The following LRRC4C variants were observed in gnomAD, a reference collection of about 807,000 sequenced individuals.
The protein encoded by LRRC4C is leucine rich repeat containing 4C, also known as leucine-rich repeat-containing protein 4C.
A neutral mutation model predicts 33.6 loss-of-function variants in LRRC4C; 5 were observed. The observed-to-expected ratio is 0.15, with a 90% CI of 0.08 to 0.31. The LOEUF is 0.31. Ranked by LOEUF, LRRC4C falls within the 10% of genes least tolerant of loss-of-function variation. The probability of loss-of-function intolerance (pLI) is 1.00; values close to 1 mark genes in which losing one functional copy is unlikely to be tolerated. For synonymous variants in LRRC4C, 329 were observed against 302.0 expected, an observed-to-expected ratio of 1.09 and a Z score of -0.93; for missense variants, 560 against 796.7, an observed-to-expected ratio of 0.70 and a Z score of 3.58.
At chr11:40,822,682 G>T (rs1360029040) in intron 2 of LRRC4C, among the ~76,000 whole-genome samples, 2 of 151,426 alleles carry the variant, frequency 1.3e-5, no homozygotes, top group Non-Finnish European at 3.0e-5. Flanking sequence ...TAATTTAATA[G>T]AATCCCATTT....
intron 3 of LRRC4C, among the ~76,000 whole-genome samples, chr11:40,396,211 A>G (rs943027413): frequency 6.6e-6 from 1 of 152,118 alleles, no homozygotes; most frequent in Non-Finnish European, 1.5e-5. Flanking sequence ...ATCTTACAGC[A>G]TAAGAATTGT....
rs533180594 is a variant in LRRC4C at position 40,588,222 on chromosome 11, G to A, written c.-270+59920C>T. On this transcript the variant is annotated intron_variant, in intron 3 of 6. Coordinates refer to ENST00000528697, the MANE Select transcript of LRRC4C (RefSeq NM_001258419.2). ...AGTCTTGGGAGAGTGTATGTGTCCA[G>A]GAATTTATCCATTTCTTCTAGATTT... Among the ~76,000 whole-genome samples the A allele has an allele frequency of 4.5e-3, 675 of 150,892 alleles. 21 individuals are homozygous for A. Among genetic ancestry groups the A allele is most frequent in the Admixed American group, 0.032 (483 of 15,180 alleles).
chr11:40,724,119 A>G (rs1947168177), intron 2 of LRRC4C, among the ~76,000 whole-genome samples: 1 of 152,172 alleles, frequency 6.6e-6, no homozygotes, highest in Non-Finnish European at 1.5e-5. Flanking sequence ...AAAACAAGTA[A>G]TTCTAGACCT....
At chr11:40,286,162 C>T (rs1052152963) in intron 4 of LRRC4C, among the ~76,000 whole-genome samples, 1 of 151,848 alleles carries the variant, frequency 6.6e-6, no homozygotes, top group African/African-American at 2.4e-5. Flanking sequence ...ATCATTTTTC[C>T]TGTAAAGATG....
chr11:41,384,092 T>C (rs1169799056), intron 1 of LRRC4C, among the ~76,000 whole-genome samples: 2 of 151,938 alleles, frequency 1.3e-5, no homozygotes, highest in Admixed American at 6.6e-5. Context: ...AAAGTTTATT[T>C]TAAAATGTAA....
intron 4 of LRRC4C, among the ~76,000 whole-genome samples, chr11:40,307,477 A>C (rs1945096956): frequency 6.6e-6 from 1 of 152,124 alleles, no homozygotes; most frequent in South Asian, 2.1e-4. Context: ...ATCCTCTAAA[A>C]TTCTTTTTCC....
chr11:41,077,165 T>A (rs1939215140), intron 1 of LRRC4C, among the ~76,000 whole-genome samples: 1 of 152,186 alleles, frequency 6.6e-6, no homozygotes. Context: ...CCTGTGGCTT[T>A]CTTGGTTGCA....
intron 1 of LRRC4C, among the ~76,000 whole-genome samples, chr11:41,283,239 A>C (rs896832820): frequency 2.0e-5 from 3 of 152,342 alleles, no homozygotes; most frequent in African/African-American, 7.2e-5. Context: ...GTCTGGAAAT[A>C]TCCGCTTAGA....
chr11:40,899,831 C>T lies in LRRC4C; in HGVS notation c.-407+33804G>A, dbSNP rs190871371. On this transcript the variant is annotated intron_variant, in intron 2 of 6. Coordinates refer to ENST00000528697, the MANE Select transcript of LRRC4C (RefSeq NM_001258419.2). ...AAGAACATGATATCCACTTCTCACG[C>T]TATTGGTAATGTTTGATCATTTGGT... Among the ~76,000 whole-genome samples the T allele has an allele frequency of 4.6e-3, 697 of 152,230 alleles. 6 individuals are homozygous for T. Among genetic ancestry groups the T allele is most frequent in the African/African-American group, 0.016 (654 of 41,530 alleles).
chr11:40,814,311 G>A (rs193210446), intron 2 of LRRC4C, among the ~76,000 whole-genome samples: 1 of 152,276 alleles, frequency 6.6e-6, no homozygotes, highest in East Asian at 1.9e-4. Context: ...CAAGGCTTGA[G>A]GCTTGCACCC....
chr11:40,302,140 G>A (rs1461479885), intron 4 of LRRC4C, among the ~76,000 whole-genome samples: 1 of 152,188 alleles, frequency 6.6e-6, no homozygotes, highest in Admixed American at 6.5e-5. Context: ...TAAAGACTGT[G>A]AGGTATGTCC....
intron 1 of LRRC4C, among the ~76,000 whole-genome samples, chr11:41,027,146 CTAAT>C (rs1856432279): frequency 6.6e-6 from 1 of 151,458 alleles, no homozygotes; most frequent in South Asian, 2.1e-4. Flanking sequence ...CTATTTGTCT[CTAAT>C]TATTTCACTG....
At chr11:41,137,511 A>G (rs936788888) in intron 1 of LRRC4C, among the ~76,000 whole-genome samples, 6 of 152,170 alleles carry the variant, frequency 3.9e-5, no homozygotes, top group Non-Finnish European at 8.8e-5. Flanking sequence ...CTTATAAAGT[A>G]TTTTCATTAT....
At chr11:40,732,876 A>G (rs1947663239) in intron 2 of LRRC4C, among the ~76,000 whole-genome samples, 1 of 151,900 alleles carries the variant, frequency 6.6e-6, no homozygotes, top group Non-Finnish European at 1.5e-5. Flanking sequence ...CCATTTGTGG[A>G]TCATTTATTA....
At chr11:40,306,702 A>G (rs1033495190) in intron 4 of LRRC4C, among the ~76,000 whole-genome samples, 1 of 152,158 alleles carries the variant, frequency 6.6e-6, no homozygotes, top group South Asian at 2.1e-4. Context: ...TGTGCTCAGC[A>G]CTTCATGTGC....
intron 5 of LRRC4C, among the ~76,000 whole-genome samples, chr11:40,199,620 T>C (rs1862542571): frequency 6.6e-6 from 1 of 152,214 alleles, no homozygotes; most frequent in Admixed American, 6.5e-5. Context: ...ACACCTTACA[T>C]AGAATAGAAG....
intron 1 of LRRC4C, among the ~76,000 whole-genome samples, chr11:40,954,747 G>A (rs1029237996): frequency 2.6e-4 from 39 of 151,862 alleles, no homozygotes; most frequent in Admixed American, 2.1e-3. Flanking sequence ...TCTGGGTTTC[G>A]CCTTTTGAAT....
At chr11:40,772,358 C>G (rs970804993) in intron 2 of LRRC4C, among the ~76,000 whole-genome samples, 1 of 152,160 alleles carries the variant, frequency 6.6e-6, no homozygotes, top group Non-Finnish European at 1.5e-5. Context: ...CACGAGGTCC[C>G]TCTCCCAACA....
At chr11:41,029,329 A>G (rs1037263421) in intron 1 of LRRC4C, among the ~76,000 whole-genome samples, 1 of 151,754 alleles carries the variant, frequency 6.6e-6, no homozygotes, top group Non-Finnish European at 1.5e-5. Context: ...TACAAGCACA[A>G]CACCTCTCTA....
Sources: gnomAD v4.1 joint callset for allele counts (sites outside exome capture counted in the v4.1 genomes callset) on GRCh38, gnomAD v4.1.1 for gene constraint, MANE v1.5 for transcripts, NCBI Gene and HGNC (gene_info 2026-07-23, HGNC 2026-07-21) for gene names.